Variants in CLSTN3 observed in about 807,000 individuals in gnomAD.
CLSTN3 encodes calsyntenin 3.
CLSTN3 carries 36 observed loss-of-function variants against 95.9 expected under a neutral mutation model. The ratio of observed to expected loss-of-function variants is 0.38; its 90% CI spans 0.29 to 0.50. The LOEUF (loss-of-function observed/expected upper bound fraction) is 0.50. Ranked by LOEUF, CLSTN3 falls within the 20% of genes least tolerant of loss-of-function variation. CLSTN3 has a pLI of 0.95. For synonymous variants in CLSTN3, 481 were observed against 504.0 expected, an observed-to-expected ratio of 0.95 and a Z score of 0.61; for missense variants, 1,084 against 1,268.8, an observed-to-expected ratio of 0.85 and a Z score of 2.21.
rs1868799 is a variant in CLSTN3 at position 7,156,875 on chromosome 12, C to T, written c.2528-614C>T. ...GGGGAAGCAGGAACCCCAGACGTCCCGGAGCCCCAAGCCCACCAGGAGAAG... is the reference window on the plus strand; with the variant it reads ...GGGGAAGCAGGAACCCCAGACGTCCTGGAGCCCCAAGCCCACCAGGAGAAG... On this transcript the variant is annotated intron_variant, in intron 16 of 17. Coordinates refer to ENST00000266546, the MANE Select transcript of CLSTN3 (RefSeq NM_014718.4). 4.0e-5 allele frequency: 18 copies of T among 454,438 alleles called. No individual in the cohort carries two copies. In the East Asian group the frequency reaches 4.9e-4, roughly 12 times the overall value. The allele number at this position is 454,438 out of a possible 1,614,324, so 28.2% of individuals were successfully genotyped here.
intron 1 of CLSTN3, chr12:7,132,389 T>C (rs1324345433): frequency 4.8e-6 from 1 of 210,054 alleles, no homozygotes; most frequent in East Asian, 1.3e-4. Flanking sequence ...TTGCTCAGCA[T>C]TGATTCCTCT....
chr12:7,135,945 G>C lies in CLSTN3; in HGVS notation c.734G>C (p.Ser245Thr). 3 of 1,609,168 alleles carry C rather than the reference G, an allele frequency of 1.9e-6. No individual in the cohort carries two copies. Among genetic ancestry groups the C allele is most frequent in the South Asian group, 2.2e-5 (2 of 90,444 alleles). The change falls in exon 5 of 18, where the codon AGC becomes ACC. Residue 245 changes from serine (S) to threonine (T), a missense_variant. Ser to Thr is a moderately conservative substitution (Grantham distance 58). Transcript: ENST00000266546. ...CAGGTGAAGCCCACCTGTAAACCCA[G>C]CTGGCAAGGTGAGAGCTCAGCGCTG... ...EIQVKPTCKP[S>T]WQGWNKRIEY...
chr12:7,130,823 C>T (rs1939285002), intron 1 of CLSTN3, 111 bp downstream of exon 1: 1 of 949,708 alleles, frequency 1.1e-6, no homozygotes, highest in South Asian at 1.4e-5. Flanking sequence ...GGTGTCTGGC[C>T]CTCTTCTGAT....
At position 7,130,680 on chromosome 12, in the gene CLSTN3, C is replaced by A. The variant is rs924784851; in HGVS notation, c.32C>A (p.Ala11Asp). The part of the protein sequence containing the change: MTLLLLPLLL[A>D]SLLASCSCNK... ...CTCCTGCTGCTGCCCCTTCTGCTGG[C>A]CTCTCTGCTCGCGTCCTGCTCCTGT... The change falls in exon 1 of 18, where the codon GCC (alanine) becomes GAC (aspartate). Residue 11 changes from alanine (A) to aspartate (D), a missense_variant. Physicochemically the swap from Ala to Asp is moderately radical, Grantham distance 126. Transcript: ENST00000266546. The A allele has an allele frequency of 5.1e-6, 8 of 1,574,998 alleles. No homozygotes were observed. Among genetic ancestry groups the A allele is most frequent in the Non-Finnish European group, 6.9e-6 (8 of 1,159,128 alleles).
At chr12:7,132,888 T>A in intron 1 of CLSTN3, 136 bp from the exon 2 acceptor site, 1 of 1,184,278 alleles carries the variant, frequency 8.4e-7, no homozygotes, top group African/African-American at 1.5e-5. Flanking sequence ...ACCACCCGCC[T>A]CCTGTAAGGT....
At chr12:7,147,857 A>G (rs1279854182) in intron 12 of CLSTN3, among the ~76,000 whole-genome samples, 1 of 152,120 alleles carries the variant, frequency 6.6e-6, no homozygotes, top group Admixed American at 6.5e-5. Context: ...AGGTTATAAT[A>G]TAATGAAATA....
intron 1 of CLSTN3, chr12:7,131,744 C>CGCCTCCTAGCCTCCTA (rs4013721): frequency 1.5e-5 from 7 of 455,144 alleles, no homozygotes; most frequent in East Asian, 1.4e-4. Flanking sequence ...ACCTCAGCCT[C>CGCCTCCTAGCCTCCTA]GCCTCCTAGC....
At position 7,157,837 on chromosome 12, in the gene CLSTN3, G is replaced by A; in HGVS notation, c.2731-104G>A. ...GGAGAGAGGTTCAGGCAGGGAAGGG[G>A]GTACACAGGGGTTAAGGGGACCGAG... On this transcript the variant is annotated intron_variant, in intron 17 of 17. Coordinates refer to ENST00000266546, the MANE Select transcript of CLSTN3 (RefSeq NM_014718.4). This position sits in a 1 kb window ranked among gnomAD's most constrained non-coding sequence, Gnocchi z 5.9. The A allele has an allele frequency of 6.6e-7, 1 of 1,508,696 alleles. No homozygotes were observed. The highest frequency in any genetic ancestry group is 8.9e-7 in the Non-Finnish European group (1 of 1,122,746). The allele number at this position is 1,508,696 out of a possible 1,614,324, so 93.5% of individuals were successfully genotyped here. A position where few individuals can be genotyped will look rare whatever the true frequency, so the allele number is the denominator to read the frequency against.
chr12:7,155,088 T>C (rs1939792393), intron 16 of CLSTN3, among the ~76,000 whole-genome samples: 1 of 152,204 alleles, frequency 6.6e-6, no homozygotes, highest in South Asian at 2.1e-4. Context: ...TGTGGGGCCA[T>C]GGACAGGGCT....
At chr12:7,153,575 A>G (rs1373645789) in intron 16 of CLSTN3, among the ~76,000 whole-genome samples, 1 of 152,248 alleles carries the variant, frequency 6.6e-6, no homozygotes, top group African/African-American at 2.4e-5. Context: ...TTTAGTCAAT[A>G]GAGACATGTT....
chr12:7,158,227 C>A lies in CLSTN3; in HGVS notation c.*146C>A. Reference sequence around the variant, plus strand: ...TCCTCCTTTCATTTCAAAACCCCAGCGGGCCCTCTGGAGTCCGCCCTGCCC... The same window carrying A: ...TCCTCCTTTCATTTCAAAACCCCAGAGGGCCCTCTGGAGTCCGCCCTGCCC... On this transcript the variant is annotated 3_prime_UTR_variant, in exon 18 of 18. Transcript: ENST00000266546. The A allele has an allele frequency of 9.4e-7, 1 of 1,059,828 alleles. No individual in the cohort carries two copies. Among genetic ancestry groups the A allele is most frequent in the Non-Finnish European group, 1.3e-6 (1 of 770,236 alleles). 65.7% of individuals were successfully genotyped at this position (1,059,828 alleles called of 1,614,324 possible). A position where few individuals can be genotyped will look rare whatever the true frequency, so the allele number is the denominator to read the frequency against.
At chr12:7,153,128 C>T (rs1011935296) in intron 16 of CLSTN3, among the ~76,000 whole-genome samples, 3 of 152,124 alleles carry the variant, frequency 2.0e-5, no homozygotes, top group African/African-American at 7.2e-5. Context: ...TGGCTCCCTT[C>T]TTCCTTGCTG....
intron 16 of CLSTN3, among the ~76,000 whole-genome samples, chr12:7,153,065 A>G (rs1939751844): frequency 1.3e-5 from 2 of 152,086 alleles, no homozygotes; most frequent in Non-Finnish European, 2.9e-5. Flanking sequence ...TCCTTGTGCA[A>G]CGGCCACCAC....
At chr12:7,153,663 A>G (rs1026623099) in intron 16 of CLSTN3, among the ~76,000 whole-genome samples, 3 of 152,112 alleles carry the variant, frequency 2.0e-5, no homozygotes, top group Non-Finnish European at 2.9e-5. Context: ...ATTCCATAGC[A>G]CTTTCTCCAG....
chr12:7,149,240 C>A lies in CLSTN3; in HGVS notation c.2074+42C>A. On this transcript the variant is annotated intron_variant, in intron 13 of 17. Coordinates refer to ENST00000266546, the MANE Select transcript of CLSTN3 (RefSeq NM_014718.4). The surrounding 1 kb of genome is among the most constrained non-coding windows in gnomAD (Gnocchi z 4.5). ...GGAGTAACACCATCCAGAGAACCAGCCAGTGTCTGGAGTCAGAGTGTGGGA... is the reference window on the plus strand; with the variant it reads ...GGAGTAACACCATCCAGAGAACCAGACAGTGTCTGGAGTCAGAGTGTGGGA... 6.5e-7 allele frequency: 1 copy of A among 1,534,302 alleles called. No individual in the cohort carries two copies. The highest frequency in any genetic ancestry group is 9.0e-7 in the Non-Finnish European group (1 of 1,113,274).
intron 16 of CLSTN3, chr12:7,156,003 T>C (rs1565655313): frequency 5.7e-6 from 2 of 349,136 alleles, no homozygotes; most frequent in Non-Finnish European, 1.1e-5. Flanking sequence ...CGCTCTGCTC[T>C]GTCTGTTGAC....
chr12:7,151,038 C>T lies in CLSTN3; in HGVS notation c.2502C>T (p.Ser834=). Residue 834 remains serine, a synonymous_variant, in exon 16 of 18, where the codon AGC becomes AGT. Transcript: ENST00000266546. ...HQPPPEMAGH[S]LASSHRNSMI... is the part of the protein sequence containing the mutation. ...CCCCGCCTGAGATGGCTGGACACAGCCTAGCCAGCTCCCACAGAAACTCCA... is the reference window on the plus strand; with the variant it reads ...CCCCGCCTGAGATGGCTGGACACAGTCTAGCCAGCTCCCACAGAAACTCCA... 6.2e-7 allele frequency: 1 copy of T among 1,607,732 alleles called. No homozygotes were observed.
At chr12:7,154,233 A>G (rs943763117) in intron 16 of CLSTN3, among the ~76,000 whole-genome samples, 1 of 152,186 alleles carries the variant, frequency 6.6e-6, no homozygotes, top group Non-Finnish European at 1.5e-5. Context: ...GTGTTGCAGA[A>G]CTGTGGTTTC....
At chr12:7,138,755 G>A (rs2135800932) in intron 8 of CLSTN3, 1 of 146,884 alleles carries the variant, frequency 6.8e-6, no homozygotes. Context: ...AAGGACCAGT[G>A]AGGACTAATT....
Sources: gnomAD v4.1 joint callset for allele counts (sites outside exome capture counted in the v4.1 genomes callset) on GRCh38, gnomAD v4.1.1 for gene constraint, Gnocchi (gnomAD v3.1) non-coding constraint, MANE v1.5 for transcripts, NCBI Gene and HGNC (gene_info 2026-07-23, HGNC 2026-07-21) for gene names.